The following DNAJB12 variants were observed in gnomAD, a reference collection of about 807,000 sequenced individuals.
DNAJB12 encodes DnaJ heat shock protein family (Hsp40) member B12, also known as dnaJ homolog subfamily B member 12.
In DNAJB12, 14 loss-of-function variants were observed where a neutral mutation model predicts 40.6. The ratio of observed to expected loss-of-function variants is 0.34; its 90% confidence interval spans 0.23 to 0.54. DNAJB12 has a LOEUF of 0.54. Ranked by LOEUF, DNAJB12 falls within the 20% of genes least tolerant of loss-of-function variation. DNAJB12 has a pLI of 0.92. For missense variants in DNAJB12, 444 were observed against 501.7 expected, an observed-to-expected ratio of 0.89 and a Z score of 1.10; for synonymous variants, 181 against 199.5, an observed-to-expected ratio of 0.91 and a Z score of 0.78.
At chr10:72,343,134 C>T (rs1017899332) in intron 3 of DNAJB12, among the ~76,000 whole-genome samples, 1 of 152,232 alleles carries the variant, frequency 6.6e-6, no homozygotes, top group Non-Finnish European at 1.5e-5. Context: ...CCAGGAAATG[C>T]AGAGGAAGCA....
intron 6 of DNAJB12, 199 bp from the exon 7 acceptor site, chr10:72,336,895 C>A (rs1037732674): frequency 1.0e-5 from 5 of 486,588 alleles, no homozygotes; most frequent in Non-Finnish European, 1.1e-5. Context: ...GTGGCCCAGA[C>A]CGCAGGACGC....
At chr10:72,343,335 C>A in intron 3 of DNAJB12, 31 bp downstream of exon 3, 1 of 1,603,126 alleles carries the variant, frequency 6.2e-7, no homozygotes, top group Non-Finnish European at 8.5e-7. Flanking sequence ...GATGAACACA[C>A]CAAAATGCTA....
Position 72,335,241 on chromosome 10 carries a change from G to A in DNAJB12, c.*30+539C>T, listed in dbSNP as rs926713246. On this transcript the variant is annotated intron_variant, in intron 8 of 8. Transcript: ENST00000444643. The surrounding 1 kb of genome is among the most constrained non-coding windows in gnomAD (Gnocchi z 4.4). ...AAGACTGCCAGCTCCCACCCACCTCGTGGCTGCCTGTTCATCTTGCTCCAT... is the reference window on the plus strand; with the variant it reads ...AAGACTGCCAGCTCCCACCCACCTCATGGCTGCCTGTTCATCTTGCTCCAT... 1.1e-5 allele frequency: 11 copies of A among 986,576 alleles called. No homozygotes were observed. The African/African-American group carries it at 1.2e-4, about 11-fold the overall frequency. The allele number at this position is 986,576 out of a possible 1,614,324, so 61.1% of individuals were successfully genotyped here. A position where few individuals can be genotyped will look rare whatever the true frequency, so the allele number is the denominator to read the frequency against.
At position 72,354,440 on chromosome 10, in the gene DNAJB12, G is replaced by C; in HGVS notation, c.133+325C>G. 9.5e-6 allele frequency: 3 copies of C among 317,040 alleles called. No individual in the cohort carries two copies. The South Asian group carries it at 1.6e-4, about 17-fold the overall frequency. The allele number at this position is 317,040 out of a possible 1,614,324, so 19.6% of individuals were successfully genotyped here. ...CCTGGGCTACCGAACGGCCCCTTGG[G>C]AAAAGTAGTTCGAGTTCACTTCCAG... On this transcript the variant is annotated intron_variant, in intron 1 of 8. Coordinates refer to ENST00000444643, the MANE Select transcript of DNAJB12 (RefSeq NM_017626.7).
In DNAJB12 at chr10:72,335,088, G is replaced by A. The variant is rs1482943294; in HGVS notation, c.*31-471C>T. On this transcript the variant is annotated intron_variant, in intron 8 of 8. Transcript: ENST00000444643. The surrounding 1 kb of genome is among the most constrained non-coding windows in gnomAD (Gnocchi z 4.4). ...GACCTTCTGTTCCCTTCCTCAGACC[G>A]CAGGCGAGATGCCTGGGCAAGGCCG... 8.1e-6 allele frequency: 8 copies of A among 991,904 alleles called. No homozygotes were observed. In the South Asian group the frequency reaches 1.8e-4, roughly 22 times the overall value. The allele number at this position is 991,904 out of a possible 1,614,324, so 61.4% of individuals were successfully genotyped here.
chr10:72,344,757 C>T (rs1861734781), intron 2 of DNAJB12, among the ~76,000 whole-genome samples, 193 bp downstream of exon 2: 1 of 152,204 alleles, frequency 6.6e-6, no homozygotes, highest in African/African-American at 2.4e-5. Context: ...CCAGTTCCCA[C>T]ACTGTATTCC....
chr10:72,343,638 G>A (rs1300307955), intron 2 of DNAJB12, 127 bp from the exon 3 acceptor site: 1 of 984,298 alleles, frequency 1.0e-6, no homozygotes, highest in African/African-American at 1.6e-5. Flanking sequence ...AAGGCTGACA[G>A]CTCCTTGGGT....
intron 5 of DNAJB12, among the ~76,000 whole-genome samples, chr10:72,340,277 G>A (rs921292468): frequency 3.3e-5 from 5 of 152,004 alleles, no homozygotes; most frequent in African/African-American, 1.2e-4. Flanking sequence ...CCGGGAGGCG[G>A]AGGTTGCAGT....
rs1255488629 is a variant in DNAJB12 at position 72,338,305 on chromosome 10, G to A, written c.730C>T (p.Leu244=). Residue 244 remains leucine, a synonymous_variant, in exon 6 of 9, where the codon CTA becomes TTA. Transcript: ENST00000444643. ...GGCATCAGCTGCACAAACACCCCTA[G>A]CCCGCCCTGGAGGGAAGAGCCAATG... is the stretch of plus-strand genomic sequence containing the variant. ...DRRDNQGDGG[L]GVFVQLMPIL... The A allele has an allele frequency of 6.2e-7, 1 of 1,613,840 alleles. No individual in the cohort carries two copies. Among genetic ancestry groups the A allele is most frequent in the Non-Finnish European group, 8.5e-7 (1 of 1,179,922 alleles).
At position 72,333,969 on chromosome 10, in the gene DNAJB12, G is replaced by C. The variant is rs2131973277; in HGVS notation, c.*679C>G. 1 of 153,518 alleles carries C rather than the reference G, an allele frequency of 6.5e-6. No homozygotes were observed. The highest frequency in any genetic ancestry group is 2.0e-4 in the South Asian group (1 of 5,022). The allele number at this position is 153,518 out of a possible 1,614,324, so 9.5% of individuals were successfully genotyped here. On this transcript the variant is annotated 3_prime_UTR_variant, in exon 9 of 9. Coordinates refer to ENST00000444643, the MANE Select transcript of DNAJB12 (RefSeq NM_017626.7). ...TCGGGGGGCTGTGAAAAGCTCTGAT[G>C]CGACTCTCCTTATGCTGTCAGCTAC...
At chr10:72,337,838 C>T (rs1861520032) in intron 6 of DNAJB12, among the ~76,000 whole-genome samples, 1 of 152,010 alleles carries the variant, frequency 6.6e-6, no homozygotes. Context: ...CACAAAGCCG[C>T]CGAAATTATA....
chr10:72,344,971 T>C lies in DNAJB12; in HGVS notation c.290A>G (p.Glu97Gly). The change falls in exon 2 of 9, where the codon GAA becomes GGA. Residue 97 changes from glutamate to glycine, a missense_variant. Coordinates refer to ENST00000444643, the MANE Select transcript of DNAJB12 (RefSeq NM_017626.7). Reference sequence around the variant, plus strand: ...CTACCTTTTCACAGCTGCAACCTGTTCTGCAGTGTAGCCTTTGGTGCTCTC... The same window carrying C: ...CTACCTTTTCACAGCTGCAACCTGTCCTGCAGTGTAGCCTTTGGTGCTCTC... Reference protein sequence around the residue: ...GGESTKGYTAEQVAAVKRVKQ... With the variant: ...GGESTKGYTAGQVAAVKRVKQ... The C allele has an allele frequency of 6.2e-7, 1 of 1,614,216 alleles. No individual in the cohort carries two copies. Among genetic ancestry groups the C allele is most frequent in the Non-Finnish European group, 8.5e-7 (1 of 1,180,030 alleles).
chr10:72,354,792 G>T lies in DNAJB12; in HGVS notation c.106C>A (p.Arg36=). The change falls in exon 1 of 9, where the codon CGG becomes AGG. Residue 36 remains arginine, a synonymous_variant. Transcript: ENST00000444643. The part of the protein sequence containing the change: ...RALRFLEKAQ[R]LYPTPRVRAL... ...CGAACTCGCGGCGTCGGATACAGCCGCTGTGCCTTCTCCAGGAAGCGGAGC... is the reference window on the plus strand; with the variant it reads ...CGAACTCGCGGCGTCGGATACAGCCTCTGTGCCTTCTCCAGGAAGCGGAGC... The T allele has an allele frequency of 6.2e-7, 1 of 1,613,592 alleles. No individual in the cohort carries two copies. The highest frequency in any genetic ancestry group is 1.1e-5 in the South Asian group (1 of 91,062).
At chr10:72,334,939 C>T (rs1564816366) in intron 8 of DNAJB12, 25 of 1,202,850 alleles carry the variant, frequency 2.1e-5, no homozygotes, top group South Asian at 5.5e-5. Flanking sequence ...CTCTGGCAAA[C>T]GCTGGGAACA....
chr10:72,333,128 T>C lies in DNAJB12; in HGVS notation c.*1520A>G, dbSNP rs770807522. 6.6e-6 allele frequency: 1 copy of C among 152,188 alleles called. No homozygotes were observed. The highest frequency in any genetic ancestry group is 2.4e-5 in the African/African-American group (1 of 41,408). 9.4% of individuals were successfully genotyped at this position (152,188 alleles called of 1,614,324 possible). A position where few individuals can be genotyped will look rare whatever the true frequency, so the allele number is the denominator to read the frequency against. ...TGACATTTCCTTACCGAACTTCCTTTCCCAGCAAGAATCCTATTTGTTGGG... is the reference window on the plus strand; with the variant it reads ...TGACATTTCCTTACCGAACTTCCTTCCCCAGCAAGAATCCTATTTGTTGGG... On this transcript the variant is annotated 3_prime_UTR_variant, in exon 9 of 9. Coordinates refer to ENST00000444643, the MANE Select transcript of DNAJB12 (RefSeq NM_017626.7).
At chr10:72,340,587 A>G (rs1230388749) in intron 5 of DNAJB12, among the ~76,000 whole-genome samples, 1 of 152,116 alleles carries the variant, frequency 6.6e-6, no homozygotes, top group East Asian at 1.9e-4. Context: ...GGCAATGTGG[A>G]GCATGGCTCC....
intron 1 of DNAJB12, among the ~76,000 whole-genome samples, chr10:72,346,055 C>T (rs1158580497): frequency 6.6e-6 from 1 of 152,112 alleles, no homozygotes; most frequent in African/African-American, 2.4e-5. Context: ...ATACATATAT[C>T]TCTTTTCTTA....
Position 72,335,891 on chromosome 10 carries a change from T to C in DNAJB12, c.1047A>G (p.Thr349=). 6.2e-7 allele frequency: 1 copy of C among 1,614,144 alleles called. No homozygotes were observed. The part of the protein sequence containing the change: ...LLYRARYFGD[T]DMYHRAQKMG... ...TCTTCTGTGCTCTGTGGTACATATC[T>C]GTGTCGCCAAAGTAGCGTGCCCGGT... Residue 349 remains threonine, a synonymous_variant, in exon 8 of 9, where the codon ACA becomes ACG. Coordinates refer to ENST00000444643, the MANE Select transcript of DNAJB12 (RefSeq NM_017626.7). The surrounding 1 kb of genome is among the most constrained non-coding windows in gnomAD (Gnocchi z 4.4).
intron 1 of DNAJB12, 51 bp downstream of exon 1, chr10:72,354,714 T>C (rs1167432712): frequency 1.4e-6 from 2 of 1,395,890 alleles, no homozygotes; most frequent in Non-Finnish European, 2.0e-6. Flanking sequence ...CGTTCCCGTG[T>C]TCCCCCCATC....
Sources: gnomAD v4.1 joint callset for allele counts (sites outside exome capture counted in the v4.1 genomes callset) on GRCh38, gnomAD v4.1.1 for gene constraint, Gnocchi (gnomAD v3.1) non-coding constraint, MANE v1.5 for transcripts, NCBI Gene and HGNC (gene_info 2026-07-23, HGNC 2026-07-21) for gene names.